PRDM2: variants seen among roughly 807,000 people sequenced by gnomAD.
PRDM2 encodes PR/SET domain 2.
In PRDM2, 30 loss-of-function variants were observed where a neutral mutation model predicts 130.0. The ratio of observed to expected loss-of-function variants is 0.23; its 90% confidence interval spans 0.17 to 0.31. The LOEUF is 0.31. Among genes scored for constraint, PRDM2 ranks in the 10% least tolerant of loss-of-function variants. The pLI, the probability that PRDM2 is intolerant of heterozygous loss-of-function variation, is 1.00. For synonymous variants in PRDM2, 871 were observed against 782.4 expected (o/e 1.11, Z -1.89); for missense variants, 2,011 against 2,108.4 (o/e 0.95, Z 0.90).
chr1:13,816,281 A>G (rs1645255523), intron 8 of PRDM2, 146 bp from the exon 9 acceptor site: 2 of 943,082 alleles, frequency 2.1e-6, no homozygotes, highest in Admixed American at 4.8e-5. Flanking sequence ...AGCTGATGCC[A>G]GGCACCTGGC....
At position 13,773,181 on chromosome 1, in the gene PRDM2, T is replaced by A. The variant is rs771514828; in HGVS notation, c.615T>A (p.Ser205=). Reference sequence around the variant, plus strand: ...TCACCTCTGCAAATATGAGAGATTCTGCAGAAGGTAAGCTTGTGATATTGG... The same window carrying A: ...TCACCTCTGCAAATATGAGAGATTCAGCAGAAGGTAAGCTTGTGATATTGG... ...PDFTSANMRD[S]AEGPKEDEEK... The change falls in exon 7 of 10, where the codon TCT becomes TCA. Residue 205 remains serine, a synonymous_variant. Coordinates refer to ENST00000311066, the MANE Select transcript of PRDM2 (RefSeq NM_001393986.1). 1 of 1,546,874 alleles carries A rather than the reference T, an allele frequency of 6.5e-7. No homozygotes were observed. The highest frequency in any genetic ancestry group is 2.1e-5 in the Admixed American group (1 of 48,602).
intron 6 of PRDM2, among the ~76,000 whole-genome samples, chr1:13,753,397 C>T (rs957890048): frequency 1.3e-5 from 2 of 152,202 alleles, no homozygotes; most frequent in Non-Finnish European, 2.9e-5. Context: ...ATCTCAGCGA[C>T]TCTTAGTCAC....
At chr1:13,748,637 C>G (rs1196928481) in intron 5 of PRDM2, among the ~76,000 whole-genome samples, 1 of 152,154 alleles carries the variant, frequency 6.6e-6, no homozygotes, top group African/African-American at 2.4e-5. Context: ...GGATCTTGTT[C>G]TGGGTGGAAT....
chr1:13,789,849 G>T (rs1324444562), intron 8 of PRDM2, among the ~76,000 whole-genome samples: 1 of 152,196 alleles, frequency 6.6e-6, no homozygotes, highest in African/African-American at 2.4e-5. Context: ...ACAGAAAATG[G>T]TTTATCGTTC....
Position 13,796,915 on chromosome 1 carries a change from A to G in PRDM2, c.5036+14084A>G, listed in dbSNP as rs78998929. On this transcript the variant is annotated intron_variant, in intron 8 of 9. Coordinates refer to ENST00000311066, the MANE Select transcript of PRDM2 (RefSeq NM_001393986.1). The stretch of plus-strand genomic sequence containing the variant: ...AGCTCCCAAAACACGAGTTAAAGAA[A>G]TGATTTGTGGAGGGAACGAAACAAA... Among the ~76,000 whole-genome samples, 1,125 of 152,350 alleles carry G rather than the reference A, an allele frequency of 7.4e-3. 15 individuals carry two copies. Among genetic ancestry groups the G allele is most frequent in the African/African-American group, 0.026 (1,069 of 41,578 alleles).
chr1:13,706,985 C>G (rs1415075182), intron 1 of PRDM2, among the ~76,000 whole-genome samples: 1 of 150,666 alleles, frequency 6.6e-6, no homozygotes, highest in Non-Finnish European at 1.5e-5. Context: ...AAAAAAAAAA[C>G]TTAATAAAAT....
chr1:13,757,365 A>C (rs993068049), intron 6 of PRDM2, among the ~76,000 whole-genome samples: 1 of 152,214 alleles, frequency 6.6e-6, no homozygotes, highest in African/African-American at 2.4e-5. Context: ...TTTTGGCATT[A>C]GTTTTGAAAC....
chr1:13,782,218 G>T lies in PRDM2; in HGVS notation c.4423G>T (p.Ala1475Ser). Residue 1475 changes from alanine (A) to serine (S), a missense_variant, in exon 8 of 10, where the codon GCC becomes TCC. By Grantham distance (99) the Ala-to-Ser change is moderately conservative. Transcript: ENST00000311066. ...CATTGGAAGCCTGAATAAACACGCC[G>T]CCTTCAGCTGTCCCAAAAAACCCCT... ...TYIGSLNKHAAFSCPKKPLSP... is the reference protein window; with the variant it reads ...TYIGSLNKHASFSCPKKPLSP... The T allele has an allele frequency of 6.2e-7, 1 of 1,613,338 alleles. No individual in the cohort carries two copies. Among genetic ancestry groups the T allele is most frequent in the South Asian group, 1.1e-5 (1 of 91,024 alleles).
intron 8 of PRDM2, among the ~76,000 whole-genome samples, chr1:13,807,123 T>G (rs948001557): frequency 6.6e-6 from 1 of 152,210 alleles, no homozygotes; most frequent in South Asian, 2.1e-4. Flanking sequence ...ATGTGGTCAT[T>G]TGGGAGCCAG....
At chr1:13,727,518 G>C (rs138943487) in intron 2 of PRDM2, among the ~76,000 whole-genome samples, 2,740 of 152,214 alleles carry the variant, frequency 0.018, 63 homozygotes, top group South Asian at 0.12. Context: ...ACCTTCCAAA[G>C]TGCTGGGATT....
At chr1:13,764,309 G>C (rs2495088) in intron 6 of PRDM2, among the ~76,000 whole-genome samples, 3,826 of 152,046 alleles carry the variant, frequency 0.025, 65 homozygotes, top group Middle Eastern at 0.041. Flanking sequence ...TTATATGTAA[G>C]GTTTTCAGAT....
intron 8 of PRDM2, among the ~76,000 whole-genome samples, chr1:13,808,245 A>G (rs1478460889): frequency 6.6e-6 from 1 of 152,080 alleles, no homozygotes; most frequent in African/African-American, 2.4e-5. Flanking sequence ...TAATCCCCAC[A>G]CTTTGGGAGG....
At chr1:13,791,098 C>A (rs1029896530) in intron 8 of PRDM2, among the ~76,000 whole-genome samples, 4 of 151,064 alleles carry the variant, frequency 2.6e-5, no homozygotes, top group Non-Finnish European at 5.9e-5. Context: ...TGCAGTCCAT[C>A]GTTTTTATAG....
At chr1:13,719,977 A>G (rs1009619870) in intron 2 of PRDM2, among the ~76,000 whole-genome samples, 9 of 152,200 alleles carry the variant, frequency 5.9e-5, no homozygotes, top group Non-Finnish European at 1.5e-5. Flanking sequence ...GTATGAATAT[A>G]CTATGAATTG....
intron 6 of PRDM2, among the ~76,000 whole-genome samples, chr1:13,761,502 T>C (rs186549980): frequency 5.9e-5 from 9 of 152,302 alleles, no homozygotes; most frequent in Admixed American, 5.9e-4. Context: ...GAGTTGGAGT[T>C]CTTTTTCAGC....
chr1:13,810,546 G>A (rs1407417781), intron 8 of PRDM2, among the ~76,000 whole-genome samples: 1 of 151,224 alleles, frequency 6.6e-6, no homozygotes, highest in African/African-American at 2.4e-5. Flanking sequence ...CCAGGCTGGA[G>A]TGCAGTGGCA....
chr1:13,743,135 C>G (rs2100511655), intron 5 of PRDM2, among the ~76,000 whole-genome samples: 1 of 152,216 alleles, frequency 6.6e-6, no homozygotes, highest in East Asian at 1.9e-4. Context: ...CGCAGTGGCT[C>G]ACGCCTGTAA....
intron 1 of PRDM2, among the ~76,000 whole-genome samples, chr1:13,712,811 G>C (rs143526350): frequency 6.6e-6 from 1 of 152,248 alleles, no homozygotes; most frequent in Non-Finnish European, 1.5e-5. Context: ...CCGTCCGTCT[G>C]TCCGTCCAGG....
intron 6 of PRDM2, among the ~76,000 whole-genome samples, chr1:13,751,086 A>G (rs942342146): frequency 6.6e-6 from 1 of 152,214 alleles, no homozygotes; most frequent in African/African-American, 2.4e-5. Flanking sequence ...GTGCATGTTT[A>G]GAACATATGT....
Sources: allele counts gnomAD v4.1 joint callset (sites outside exome capture counted in the v4.1 genomes callset), GRCh38; gene constraint gnomAD v4.1.1; transcripts MANE v1.5; gene names NCBI Gene and HGNC (gene_info 2026-07-23, HGNC 2026-07-21).